Variants in AUTS2 observed in about 807,000 individuals in gnomAD.
AUTS2 encodes autism susceptibility gene 2 protein.
In AUTS2, 17 loss-of-function variants were observed where a neutral mutation model predicts 112.4. The ratio of observed to expected loss-of-function variants is 0.15; its 90% CI spans 0.10 to 0.23. The LOEUF is 0.23. AUTS2 is among the 10% of genes least tolerant of loss of function. The pLI, the probability that AUTS2 is intolerant of heterozygous loss-of-function variation, is 1.00. For synonymous variants in AUTS2, 751 were observed against 702.7 expected (o/e 1.07, Z -1.09); for missense variants, 1,510 against 1,701.6 (o/e 0.89, Z 1.98).
chr7:70,546,123 A>T (rs924153670), intron 5 of AUTS2, among the ~76,000 whole-genome samples: 3 of 152,188 alleles, frequency 2.0e-5, no homozygotes, highest in Non-Finnish European at 4.4e-5. Context: ...TTACATATAG[A>T]TCAGTGAAAA....
chr7:69,907,402 A>G (rs1244263674), intron 2 of AUTS2, among the ~76,000 whole-genome samples: 1 of 152,118 alleles, frequency 6.6e-6, no homozygotes, highest in African/African-American at 2.4e-5. Flanking sequence ...TCCAAGGAGG[A>G]TTCTTTCCAG....
chr7:70,210,252 G>A (rs1810786752), intron 4 of AUTS2, among the ~76,000 whole-genome samples: 3 of 152,180 alleles, frequency 2.0e-5, no homozygotes, highest in African/African-American at 7.2e-5. Context: ...TAAAATGAAA[G>A]CATTTTCTCC....
intron 2 of AUTS2, among the ~76,000 whole-genome samples, chr7:70,043,031 A>G (rs896682875): frequency 6.6e-6 from 1 of 152,140 alleles, no homozygotes; most frequent in South Asian, 2.1e-4. Context: ...AAAAAAAAAA[A>G]AACCTTGCAG....
chr7:69,794,965 G>A (rs1190065687), intron 1 of AUTS2, among the ~76,000 whole-genome samples: 1 of 152,154 alleles, frequency 6.6e-6, no homozygotes, highest in Non-Finnish European at 1.5e-5. Context: ...CCATATAGTA[G>A]TTAAGAATAT....
At chr7:70,296,974 T>G (rs1190954347) in intron 4 of AUTS2, among the ~76,000 whole-genome samples, 1 of 150,994 alleles carries the variant, frequency 6.6e-6, no homozygotes, top group Non-Finnish European at 1.5e-5. Flanking sequence ...CCTGAGTAGC[T>G]GGGACCACAG....
At chr7:69,641,546 G>C (rs986180142) in intron 1 of AUTS2, among the ~76,000 whole-genome samples, 3 of 152,172 alleles carry the variant, frequency 2.0e-5, no homozygotes, top group Non-Finnish European at 2.9e-5. Flanking sequence ...GCTTTGTTTA[G>C]ACTTGGAGCA....
intron 2 of AUTS2, among the ~76,000 whole-genome samples, chr7:70,085,266 G>A (rs1376284147): frequency 6.6e-6 from 1 of 152,106 alleles, no homozygotes; most frequent in Non-Finnish European, 1.5e-5. Context: ...CCTTGCTCTG[G>A]AAGGGTTACA....
At position 70,273,451 on chromosome 7, in the gene AUTS2, G is replaced by C. The variant is rs539346662; in HGVS notation, c.660+138880G>C. ...TAAAATTTCTAAAGAAGTAGTATTG[G>C]TATTATACTACCTATAGCTTTTATT... On this transcript the variant is annotated intron_variant, in intron 4 of 18. Coordinates refer to ENST00000342771, the MANE Select transcript of AUTS2 (RefSeq NM_015570.4). 2.0e-5 allele frequency among the ~76,000 whole-genome samples: 3 copies of C among 150,598 alleles called. No homozygotes were observed. The East Asian group carries it at 5.9e-4, about 29-fold the overall frequency.
chr7:70,291,123 T>G (rs1337252469), intron 4 of AUTS2: 1 of 152,194 alleles, frequency 6.6e-6, no homozygotes, highest in Non-Finnish European at 1.5e-5. Flanking sequence ...TTATAACAGT[T>G]GAACATCATC....
chr7:70,581,125 G>A (rs1214718527), intron 5 of AUTS2, among the ~76,000 whole-genome samples: 2 of 152,116 alleles, frequency 1.3e-5, no homozygotes, highest in Non-Finnish European at 2.9e-5. Flanking sequence ...GCTCACGCTT[G>A]TAATACCAGT....
At chr7:69,844,609 T>C (rs1300808860) in intron 1 of AUTS2, among the ~76,000 whole-genome samples, 1 of 152,190 alleles carries the variant, frequency 6.6e-6, no homozygotes, top group African/African-American at 2.4e-5. Context: ...AAAATCTACA[T>C]TTAAATGGAA....
intron 3 of AUTS2, among the ~76,000 whole-genome samples, chr7:70,132,980 G>A (rs1562725414): frequency 1.3e-5 from 2 of 152,130 alleles, no homozygotes; most frequent in Non-Finnish European, 2.9e-5. Context: ...TGTGGGTGCT[G>A]GAAACAGGTG....
chr7:70,642,309 T>C (rs1805877123), intron 5 of AUTS2, among the ~76,000 whole-genome samples: 1 of 152,232 alleles, frequency 6.6e-6, no homozygotes, highest in African/African-American at 2.4e-5. Flanking sequence ...TAAGAGATCT[T>C]TACTTTTGCT....
At chr7:70,152,933 C>A (rs1807524002) in intron 4 of AUTS2, among the ~76,000 whole-genome samples, 1 of 152,062 alleles carries the variant, frequency 6.6e-6, no homozygotes, top group African/African-American at 2.4e-5. Flanking sequence ...AATGTACAAC[C>A]ATAAACTCTA....
At chr7:70,368,322 TAA>T in intron 4 of AUTS2, among the ~76,000 whole-genome samples, 1 of 152,084 alleles carries the variant, frequency 6.6e-6, no homozygotes, top group Non-Finnish European at 1.5e-5. Flanking sequence ...AGGGAGATAT[TAA>T]AGGTGCAAGA....
chr7:70,440,634 T>C (rs1796087763), intron 5 of AUTS2, among the ~76,000 whole-genome samples: 1 of 152,048 alleles, frequency 6.6e-6, no homozygotes, highest in African/African-American at 2.4e-5. Context: ...CCAAGGGCCC[T>C]TCTCCTGGAC....
At chr7:70,301,745 G>A (rs1049329317) in intron 4 of AUTS2, among the ~76,000 whole-genome samples, 1 of 152,078 alleles carries the variant, frequency 6.6e-6, no homozygotes, top group African/African-American at 2.4e-5. Flanking sequence ...CCATACTAAA[G>A]TCCAAAAGGA....
intron 4 of AUTS2, among the ~76,000 whole-genome samples, chr7:70,139,650 A>T (rs1806751884): frequency 6.6e-6 from 1 of 152,188 alleles, no homozygotes; most frequent in African/African-American, 2.4e-5. Flanking sequence ...AAGAAAACTG[A>T]TGCCATCAAG....
At chr7:70,101,434 C>A (rs937166638) in intron 2 of AUTS2, among the ~76,000 whole-genome samples, 3 of 151,208 alleles carry the variant, frequency 2.0e-5, no homozygotes, top group Non-Finnish European at 2.9e-5. Context: ...GTGGTTCATG[C>A]CTGTAATCCC....
Sources: gnomAD v4.1 joint callset for allele counts (sites outside exome capture counted in the v4.1 genomes callset) on GRCh38, gnomAD v4.1.1 for gene constraint, MANE v1.5 for transcripts, NCBI Gene and HGNC (gene_info 2026-07-23, HGNC 2026-07-21) for gene names.